The following NPC1 variants were observed in gnomAD, a reference collection of about 807,000 sequenced individuals.
NPC1 encodes the protein NPC intracellular cholesterol transporter 1.
Under a neutral mutation model 140.4 loss-of-function variants are expected in NPC1, and 85 were observed. That is an observed-to-expected ratio of 0.61 (90% confidence interval 0.51 to 0.72). The LOEUF (loss-of-function observed/expected upper bound fraction) is 0.72, where lower values mean the gene tolerates loss of function less well. Ranked by LOEUF, NPC1 falls within the 30% of genes least tolerant of loss-of-function variation. The probability of loss-of-function intolerance (pLI) is 0.00; values close to 1 mark genes in which losing one functional copy is unlikely to be tolerated. For synonymous variants in NPC1, 656 were observed against 624.8 expected, an observed-to-expected ratio of 1.05 and a Z score of -0.74; for missense variants, 1,504 against 1,623.8, an observed-to-expected ratio of 0.93 and a Z score of 1.27.
At chr18:23,516,387 C>T (rs201270524) in intron 3 of NPC1, 1 of 1,614,216 alleles carries the variant, frequency 6.2e-7, no homozygotes, top group Middle Eastern at 1.6e-4. Flanking sequence ...TCAACTAAAC[C>T]CAGCCTTTCC....
At chr18:23,517,597 ACTTCTGATT>A (rs2058042870), downstream of NPC1, among the ~76,000 whole-genome samples, 1 of 152,160 alleles carries the variant, frequency 6.6e-6, no homozygotes, top group Non-Finnish European at 1.5e-5. Flanking sequence ...CTTCTAAGTT[ACTTCTGATT>A]CTTCTGTGGC....
chr18:23,543,338 A>C, intron 14 of NPC1, 117 bp downstream of exon 14: 1 of 671,626 alleles, frequency 1.5e-6, no homozygotes, highest in Non-Finnish European at 2.6e-6. Context: ...CAGAGAAAAA[A>C]AAAAAAAAGA....
rs1555634676 is a variant in NPC1 at position 23,544,949 on chromosome 18, C to CCCA, written c.1947+10_1947+11insTGG. The CCCA allele has an allele frequency of 3.6e-6, 5 of 1,401,996 alleles. 1 individual carries two copies. In the African/African-American group the frequency reaches 5.6e-5, roughly 16 times the overall value. The allele number at this position is 1,401,996 out of a possible 1,614,324, so 86.8% of individuals were successfully genotyped here. On this transcript the variant is annotated intron_variant, in intron 12 of 24. Transcript: ENST00000269228. Reference sequence around the variant, plus strand: ...AACCTCTAGAACATACACCACCCCCCCCCGGCTTACCAGAAGCCTGCGACA... The same window carrying CCCA: ...AACCTCTAGAACATACACCACCCCCCCCACCCGGCTTACCAGAAGCCTGCGACA...
At chr18:23,572,297 G>C (rs2059215416) in intron 2 of NPC1, 117 bp from the exon 3 acceptor site, 2 of 712,166 alleles carry the variant, frequency 2.8e-6, no homozygotes, top group Admixed American at 4.0e-5. Context: ...AAAAGGGTAA[G>C]ACACATCCTG....
intron 24 of NPC1, among the ~76,000 whole-genome samples, chr18:23,532,695 C>CTTT (rs61493442): frequency 0.39 from 53,478 of 136,450 alleles, 10,989 homozygotes; most frequent in Admixed American, 0.46. Flanking sequence ...GTGCTCATCT[C>CTTT]TTTTTTTTTT....
At position 23,541,400 on chromosome 18, in the gene NPC1, A is replaced by G; in HGVS notation, c.2279T>C (p.Phe760Ser). The G allele has an allele frequency of 6.2e-7, 1 of 1,614,230 alleles. No individual in the cohort carries two copies. The highest frequency in any genetic ancestry group is 1.1e-5 in the South Asian group (1 of 91,086). ...ALSVMPAVHT[F>S]SLFAGLAVFI... Reference sequence around the variant, plus strand: ...GACTGCCAATCCCGCAAAGAGAGAGAAGGTGTGCACGGCTGGCATCACGGA... The same window carrying G: ...GACTGCCAATCCCGCAAAGAGAGAGGAGGTGTGCACGGCTGGCATCACGGA... The change falls in exon 15 of 25, where the codon TTC becomes TCC. Residue 760 changes from phenylalanine (F) to serine (S), a missense_variant. Transcript: ENST00000269228.
At chr18:23,530,230 C>A, downstream of NPC1, 1 of 1,614,196 alleles carries the variant, frequency 6.2e-7, no homozygotes, top group Non-Finnish European at 8.5e-7. Context: ...GTCTTTCAGG[C>A]TTGTCTGCTG....
At chr18:23,530,913 A>G (rs931619465), downstream of NPC1, among the ~76,000 whole-genome samples, 1 of 152,188 alleles carries the variant, frequency 6.6e-6, no homozygotes, top group African/African-American at 2.4e-5. Flanking sequence ...AGCCAGGAAT[A>G]AGACGGCAAA....
chr18:23,526,855 G>A (rs1261198134), downstream of NPC1: 6 of 1,505,418 alleles, frequency 4.0e-6, no homozygotes, highest in Non-Finnish European at 5.4e-6. Flanking sequence ...ACATTGTTGT[G>A]TCTTGTCTGT....
intron 9 of NPC1, among the ~76,000 whole-genome samples, chr18:23,553,465 C>A (rs1434823203): frequency 6.6e-6 from 1 of 152,014 alleles, no homozygotes; most frequent in Non-Finnish European, 1.5e-5. Context: ...AAATATAGCC[C>A]AACTGCATAA....
At chr18:23,562,064 C>A (rs1019321057) in intron 4 of NPC1, among the ~76,000 whole-genome samples, 1 of 152,076 alleles carries the variant, frequency 6.6e-6, no homozygotes, top group Non-Finnish European at 1.5e-5. Context: ...CCGAGGTGGG[C>A]GGACCACCAG....
intron 3 of NPC1, among the ~76,000 whole-genome samples, chr18:23,571,734 G>A (rs987217950): frequency 6.6e-6 from 1 of 151,712 alleles, no homozygotes; most frequent in African/African-American, 2.4e-5. Context: ...AGCTACTCAG[G>A]AGGCTAAGGT....
At chr18:23,512,011 A>G (rs974579609) in intron 3 of NPC1, among the ~76,000 whole-genome samples, 1 of 149,866 alleles carries the variant, frequency 6.7e-6, no homozygotes, top group Non-Finnish European at 1.5e-5. Flanking sequence ...TGAGAGGTAG[A>G]AAGACTTTTT....
chr18:23,586,135 G>T, intron 1 of NPC1, 152 bp downstream of exon 1: 7 of 810,980 alleles, frequency 8.6e-6, no homozygotes, highest in Admixed American at 2.9e-5. Context: ...GCCGGAGACA[G>T]AAACAGGACA....
chr18:23,528,020 C>T (rs189222029), downstream of NPC1: 413 of 836,614 alleles, frequency 4.9e-4, 2 homozygotes, highest in African/African-American at 5.9e-3. Context: ...TGAGATTTGC[C>T]GCCTGCCATA....
In NPC1 at chr18:23,544,398, G is replaced by T; in HGVS notation, c.2076C>A (p.Phe692Leu). 6.2e-7 allele frequency: 1 copy of T among 1,614,170 alleles called. No individual in the cohort carries two copies. The highest frequency in any genetic ancestry group is 8.5e-7 in the Non-Finnish European group (1 of 1,180,038). ...TGTCCACTCCAACAGCCAGCACCAG[G>T]AACGGGATGACTTCAATCACAATGA... ...LTLIVIEVIP[F>L]LVLAVGVDNI... is the part of the protein sequence containing the mutation. Residue 692 changes from phenylalanine to leucine, a missense_variant, in exon 13 of 25, where the codon TTC becomes TTA. Coordinates refer to ENST00000269228, the MANE Select transcript of NPC1 (RefSeq NM_000271.5).
chr18:23,536,824 T>G lies in NPC1; in HGVS notation c.3094A>C (p.Arg1032=). ...AVNILLGHGT[R]VGATYFMTYH... The stretch of plus-strand genomic sequence containing the variant: ...GTCATGAAGTACGTGGCTCCGACCC[T>G]GGTGCCATGGCCAAGGAGGATGTTA... Residue 1032 remains arginine, a synonymous_variant, in exon 21 of 25, where the codon AGG becomes CGG. Transcript: ENST00000269228. 1.9e-6 allele frequency: 3 copies of G among 1,614,140 alleles called. No individual in the cohort carries two copies. The highest frequency in any genetic ancestry group is 1.1e-5 in the South Asian group (1 of 91,074).
intron 3 of NPC1, chr18:23,507,885 A>T: frequency 1.0e-6 from 1 of 1,000,204 alleles, no homozygotes; most frequent in Non-Finnish European, 1.4e-6. Context: ...GTCACTTTTT[A>T]AGTTAATATT....
chr18:23,532,828 G>A, intron 24 of NPC1: 2 of 959,710 alleles, frequency 2.1e-6, no homozygotes, highest in South Asian at 4.8e-5. Context: ...TAGTGACAAA[G>A]CTATAAATGA....
Sources: allele counts gnomAD v4.1 joint callset (sites outside exome capture counted in the v4.1 genomes callset), GRCh38; gene constraint gnomAD v4.1.1; transcripts MANE v1.5; gene names NCBI Gene and HGNC (gene_info 2026-07-23, HGNC 2026-07-21).